LARGE1: variants seen among roughly 807,000 people sequenced by gnomAD.
LARGE1 encodes the protein xylosyl- and glucuronyltransferase LARGE1.
In LARGE1, 43 loss-of-function variants were observed where a neutral mutation model predicts 87.6. That is an observed-to-expected ratio of 0.49 (90% CI 0.38 to 0.63). LARGE1 has a LOEUF of 0.63. Among genes scored for constraint, LARGE1 ranks in the 30% least tolerant of loss-of-function variants. The probability of loss-of-function intolerance (pLI) is 0.00; values close to 1 mark genes in which losing one functional copy is unlikely to be tolerated. For missense variants in LARGE1, 802 were observed against 1,000.2 expected (o/e 0.80, Z 2.67); for synonymous variants, 434 against 394.6 (o/e 1.10, Z -1.18).
chr22:33,690,859 C>A (rs1355266885), intron 2 of LARGE1, among the ~76,000 whole-genome samples: 1 of 152,090 alleles, frequency 6.6e-6, no homozygotes, highest in African/African-American at 2.4e-5. Context: ...CCTCCCTCCA[C>A]CCACACCTTT....
At chr22:33,370,108 A>T (rs1030805094) in intron 9 of LARGE1, among the ~76,000 whole-genome samples, 1 of 152,202 alleles carries the variant, frequency 6.6e-6, no homozygotes, top group African/African-American at 2.4e-5. Flanking sequence ...AGCCTAAAAT[A>T]ATAAAAATTA....
rs888612175 is a variant in LARGE1, at chr22:33,759,719, C to T, written c.106+1652G>A. Among the ~76,000 whole-genome samples the T allele has an allele frequency of 6.6e-5, 10 of 152,224 alleles. 1 individual carries two copies. In the South Asian group the frequency reaches 8.3e-4, roughly 13 times the overall value. On this transcript the variant is annotated intron_variant, in intron 2 of 14. Coordinates refer to ENST00000397394, the MANE Select transcript of LARGE1 (RefSeq NM_133642.5). The stretch of plus-strand genomic sequence containing the variant: ...TCTACTTATTAAACCTATACTAGCA[C>T]GGGTGGTACCTCTAACTTCTTTTAT...
intron 4 of LARGE1, among the ~76,000 whole-genome samples, chr22:33,621,301 A>G (rs2079743981): frequency 6.6e-6 from 1 of 152,122 alleles, no homozygotes; most frequent in Non-Finnish European, 1.5e-5. Flanking sequence ...CGGTGGTCAT[A>G]CTGGGTCAAG....
At position 33,510,033 on chromosome 22, in the gene LARGE1, A is replaced by C. The variant is rs2070980854; in HGVS notation, c.787+54815T>G. 2.0e-5 allele frequency among the ~76,000 whole-genome samples: 3 copies of C among 152,308 alleles called. No homozygotes were observed. In the South Asian group the frequency reaches 6.2e-4, roughly 32 times the overall value. ...ATGTGTGAGTACAATAATAAAACCA[A>C]ATCAATATTCCAGCACCTACCTAAC... is the stretch of plus-strand genomic sequence containing the variant. On this transcript the variant is annotated intron_variant, in intron 6 of 14. Coordinates refer to ENST00000397394, the MANE Select transcript of LARGE1 (RefSeq NM_133642.5).
chr22:33,141,861 C>T, the LARGE1 span, among the ~76,000 whole-genome samples: 64,083 of 151,986 alleles, frequency 0.42, 13,958 homozygotes, highest in South Asian at 0.68. Flanking sequence ...ACTACTTTTA[C>T]TCCCTGCAAA....
At chr22:33,899,279 C>T (rs2065224291) in intron 1 of LARGE1, among the ~76,000 whole-genome samples, 1 of 152,090 alleles carries the variant, frequency 6.6e-6, no homozygotes, top group Non-Finnish European at 1.5e-5. Flanking sequence ...GACTCAAAAT[C>T]AAAACAGGCA....
At chr22:33,164,896 T>C (rs758850360) in exon 12 of LARGE1, 5 of 151,934 alleles carry the variant, frequency 3.3e-5, no homozygotes, top group South Asian at 2.1e-4. Context: ...TTAAAACATA[T>C]GCTGAGGAAC....
chr22:33,794,232 G>A lies in LARGE1; in HGVS notation c.-82-32674C>T, dbSNP rs538894051. On this transcript the variant is annotated intron_variant, in intron 1 of 14. Coordinates refer to ENST00000397394, the MANE Select transcript of LARGE1 (RefSeq NM_133642.5). ...AAATGCTGGTGGAGACTGTGCAGCC[G>A]TCTTTTCCCAAACACTAGACCACAA... Among the ~76,000 whole-genome samples, 10 of 152,236 alleles carry A rather than the reference G, an allele frequency of 6.6e-5. 1 individual carries two copies. Among genetic ancestry groups the A allele is most frequent in the South Asian group, 2.1e-4 (1 of 4,816 alleles).
intron 9 of LARGE1, among the ~76,000 whole-genome samples, chr22:33,342,510 C>T (rs1046108523): frequency 6.6e-6 from 1 of 152,182 alleles, no homozygotes; most frequent in Admixed American, 6.5e-5. Flanking sequence ...TGGAAGTCAA[C>T]TCTGAAGCCC....
intron 2 of LARGE1, among the ~76,000 whole-genome samples, chr22:33,698,675 ATTTACTGAACC>A (rs942728991): frequency 2.0e-5 from 3 of 152,094 alleles, no homozygotes; most frequent in Non-Finnish European, 4.4e-5. Context: ...AGGTAGGGCC[ATTTACTGAACC>A]TTTACTGAAC....
intron 11 of LARGE1, among the ~76,000 whole-genome samples, chr22:33,203,868 G>A (rs1278857716): frequency 6.6e-6 from 1 of 151,902 alleles, no homozygotes; most frequent in Non-Finnish European, 1.5e-5. Context: ...TAGAATCAGG[G>A]ATTTCATTCT....
intron 9 of LARGE1, among the ~76,000 whole-genome samples, chr22:33,357,734 A>AG (rs148613079): frequency 6.6e-6 from 1 of 152,132 alleles, no homozygotes; most frequent in Non-Finnish European, 1.5e-5. Flanking sequence ...GCAGAGGTTG[A>AG]GGGGGGCCGA....
At chr22:33,444,971 A>G (rs914871410) in intron 6 of LARGE1, among the ~76,000 whole-genome samples, 2 of 152,148 alleles carry the variant, frequency 1.3e-5, no homozygotes, top group African/African-American at 4.8e-5. Context: ...CTGGGATTAC[A>G]GGCGCGTACC....
chr22:33,761,594 T>C (rs971843663), intron 1 of LARGE1, 36 bp from the exon 2 acceptor site: 2 of 791,292 alleles, frequency 2.5e-6, no homozygotes, highest in African/African-American at 1.7e-5. Context: ...CCTGAGTTCT[T>C]AGCACTGGAG....
At chr22:33,863,769 G>GAAA (rs397728698) in intron 1 of LARGE1, among the ~76,000 whole-genome samples, 1 of 144,526 alleles carries the variant, frequency 6.9e-6, no homozygotes. Context: ...CTCTGTCTCA[G>GAAA]AAAAAAAAAA....
chr22:33,801,605 C>G (rs934337535), intron 1 of LARGE1, among the ~76,000 whole-genome samples: 1 of 152,158 alleles, frequency 6.6e-6, no homozygotes, highest in Non-Finnish European at 1.5e-5. Flanking sequence ...TACGAGTCCT[C>G]TGTCAAATGT....
intron 2 of LARGE1, among the ~76,000 whole-genome samples, chr22:33,759,505 C>T (rs1484997880): frequency 6.6e-6 from 1 of 152,092 alleles, no homozygotes; most frequent in Admixed American, 6.5e-5. Flanking sequence ...GCACCTGGCA[C>T]AAAGAATCAT....
intron 5 of LARGE1, among the ~76,000 whole-genome samples, chr22:33,572,943 T>G (rs1190013228): frequency 1.3e-5 from 2 of 152,162 alleles, no homozygotes; most frequent in African/African-American, 2.4e-5. Flanking sequence ...TGACTGGGTT[T>G]GAATACTGGC....
At chr22:33,435,452 G>A (rs1028029354) in intron 6 of LARGE1, among the ~76,000 whole-genome samples, 2 of 152,168 alleles carry the variant, frequency 1.3e-5, no homozygotes, top group Non-Finnish European at 2.9e-5. Context: ...ACACACAGTA[G>A]GTGCTTAATA....
Sources: allele counts gnomAD v4.1 joint callset (sites outside exome capture counted in the v4.1 genomes callset), GRCh38; gene constraint gnomAD v4.1.1; transcripts MANE v1.5; gene names NCBI Gene and HGNC (gene_info 2026-07-23, HGNC 2026-07-21).